Variants in BEND7 observed in about 807,000 individuals in gnomAD.
The protein encoded by BEND7 is BEN domain containing 7.
A neutral mutation model predicts 50.9 loss-of-function variants in BEND7; 28 were observed. That is an observed-to-expected ratio of 0.55 (90% CI 0.41 to 0.75). BEND7 has a LOEUF of 0.75. Ranked by LOEUF, BEND7 falls within the 30% of genes least tolerant of loss-of-function variation. BEND7 has a pLI of 0.00. For missense variants in BEND7, 477 were observed against 491.3 expected, an observed-to-expected ratio of 0.97 and a Z score of 0.28; for synonymous variants, 170 against 183.9, an observed-to-expected ratio of 0.92 and a Z score of 0.61.
At chr10:13,496,112 T>A (rs1185298320) in intron 4 of BEND7, among the ~76,000 whole-genome samples, 2 of 152,240 alleles carry the variant, frequency 1.3e-5, no homozygotes, top group Admixed American at 6.5e-5. Context: ...ATAAAGTTCA[T>A]TGACAGCTAC....
chr10:13,490,701 C>T (rs1216912394), intron 5 of BEND7, among the ~76,000 whole-genome samples: 1 of 152,238 alleles, frequency 6.6e-6, no homozygotes, highest in Non-Finnish European at 1.5e-5. Flanking sequence ...GAAGGCCTCA[C>T]CTGGACTTTC....
intron 6 of BEND7, among the ~76,000 whole-genome samples, chr10:13,469,902 G>A (rs1335578300): frequency 2.6e-5 from 4 of 152,194 alleles, no homozygotes; most frequent in African/African-American, 9.7e-5. Flanking sequence ...ACCAATTCCT[G>A]AGTCGTTCAG....
chr10:13,512,865 G>A (rs939365690), intron 2 of BEND7, among the ~76,000 whole-genome samples: 3 of 152,170 alleles, frequency 2.0e-5, no homozygotes, highest in Non-Finnish European at 4.4e-5. Flanking sequence ...GATAACTTGG[G>A]CCCCAAGGGA....
At position 13,441,475 on chromosome 10, in the gene BEND7, C is replaced by T; in HGVS notation, c.*268G>A. The stretch of plus-strand genomic sequence containing the variant: ...CATCTTTGGGTTGAACAAGCTCCAC[C>T]CGTCCTCAAGTGCTGAACACCCCAA... On this transcript the variant is annotated 3_prime_UTR_variant, in exon 9 of 9. Transcript: ENST00000466271. 3.0e-6 allele frequency: 4 copies of T among 1,312,062 alleles called. No homozygotes were observed. The highest frequency in any genetic ancestry group is 2.4e-5 in the South Asian group (1 of 41,480). The allele number at this position is 1,312,062 out of a possible 1,614,324, so 81.3% of individuals were successfully genotyped here.
At chr10:13,468,039 C>CG (rs1315951700) in intron 6 of BEND7, among the ~76,000 whole-genome samples, 11 of 152,072 alleles carry the variant, frequency 7.2e-5, no homozygotes, top group African/African-American at 2.4e-4. Context: ...CCGATCTGCC[C>CG]GGGAAGTTCA....
In BEND7 at chr10:13,499,643, G is replaced by A. The variant is rs1043940352; in HGVS notation, c.448+135C>T. 1.0e-5 allele frequency: 11 copies of A among 1,084,786 alleles called. No homozygotes were observed. In the African/African-American group the frequency reaches 1.7e-4, roughly 17 times the overall value. 67.2% of individuals were successfully genotyped at this position (1,084,786 alleles called of 1,614,324 possible). Reference sequence around the variant, plus strand: ...TCAACTCTTTCCTTTGTGTCTCCCTGTCTTTTAAAGTAACTCAGCAAAGGC... The same window carrying A: ...TCAACTCTTTCCTTTGTGTCTCCCTATCTTTTAAAGTAACTCAGCAAAGGC... On this transcript the variant is annotated intron_variant, in intron 3 of 8. Coordinates refer to ENST00000466271, the MANE Select transcript of BEND7 (RefSeq NM_001369863.1).
intron 7 of BEND7, among the ~76,000 whole-genome samples, chr10:13,450,213 G>C (rs932274426): frequency 9.2e-5 from 14 of 152,182 alleles, no homozygotes; most frequent in African/African-American, 2.9e-4. Context: ...GGCAGTGCAG[G>C]CTTCCTTAAG....
In BEND7 at chr10:13,512,502, A is replaced by G. The variant is rs114524884; in HGVS notation, c.146-12422T>C. 4.9e-3 allele frequency among the ~76,000 whole-genome samples: 753 copies of G among 152,352 alleles called. 7 individuals are homozygous for G. Among genetic ancestry groups the G allele is most frequent in the African/African-American group, 0.017 (723 of 41,588 alleles). On this transcript the variant is annotated intron_variant, in intron 2 of 8. Coordinates refer to ENST00000466271, the MANE Select transcript of BEND7 (RefSeq NM_001369863.1). ...ACAAGTCTTGCCTTCATTCAACAAG[A>G]AAATGTTCACAATTTACTATTTGCA...
rs531453244 is a variant in BEND7, at chr10:13,500,144, A to T, written c.146-64T>A. 21 of 1,298,762 alleles carry T rather than the reference A, an allele frequency of 1.6e-5. No individual in the cohort carries two copies. The African/African-American group carries it at 1.9e-4, about 12-fold the overall frequency. The allele number at this position is 1,298,762 out of a possible 1,614,324, so 80.5% of individuals were successfully genotyped here. A position where few individuals can be genotyped will look rare whatever the true frequency, so the allele number is the denominator to read the frequency against. On this transcript the variant is annotated intron_variant, in intron 2 of 8. Transcript: ENST00000466271. ...TGAAAGAGAAAACAGTTCACTAACC[A>T]AAAAGAAGAGAAAGAAAAACAACCC...
chr10:13,439,342 C>G, downstream of BEND7: 3 of 1,614,164 alleles, frequency 1.9e-6, no homozygotes, highest in Non-Finnish European at 2.5e-6. Flanking sequence ...TCAGCTCTGT[C>G]TCTGGTAAGG....
intron 7 of BEND7, among the ~76,000 whole-genome samples, chr10:13,450,771 C>T (rs902177120): frequency 1.5e-4 from 22 of 151,002 alleles, no homozygotes; most frequent in Admixed American, 7.3e-4. Context: ...GGGGACTCCT[C>T]GAGGAGGGGA....
In BEND7 at chr10:13,458,289, G is replaced by A. The variant is rs150201488; in HGVS notation, c.1064-5631C>T. Among the ~76,000 whole-genome samples the A allele has an allele frequency of 3.2e-3, 486 of 152,336 alleles. 4 individuals are homozygous for A. Among genetic ancestry groups the A allele is most frequent in the African/African-American group, 0.011 (463 of 41,582 alleles). ...ATCATCATCAAGTGAAGGCGGCAGC[G>A]CGTGGCGTGTCTGACATGCTGAACG... On this transcript the variant is annotated intron_variant, in intron 6 of 8. Coordinates refer to ENST00000466271, the MANE Select transcript of BEND7 (RefSeq NM_001369863.1).
chr10:13,463,738 C>G (rs2073951367), intron 6 of BEND7, among the ~76,000 whole-genome samples: 1 of 152,160 alleles, frequency 6.6e-6, no homozygotes, highest in Admixed American at 6.5e-5. Context: ...ATCTGCCTGT[C>G]AAATCTCAAC....
At chr10:13,478,758 GATAAAT>G (rs1416081759) in intron 6 of BEND7, among the ~76,000 whole-genome samples, 2 of 152,234 alleles carry the variant, frequency 1.3e-5, no homozygotes, top group Admixed American at 6.5e-5. Flanking sequence ...ACTGCAAATA[GATAAAT>G]ATAAACTATT....
chr10:13,491,533 ACTT>A (rs2076661868), intron 5 of BEND7, among the ~76,000 whole-genome samples: 1 of 151,704 alleles, frequency 6.6e-6, no homozygotes, highest in African/African-American at 2.4e-5. Context: ...GACTAGATGA[ACTT>A]CTTAACAATT....
intron 4 of BEND7, 51 bp downstream of exon 4, chr10:13,496,715 C>G: frequency 6.3e-7 from 1 of 1,579,776 alleles, no homozygotes; most frequent in Non-Finnish European, 8.6e-7. Flanking sequence ...CGGAAGATGT[C>G]AGATATGCAT....
At chr10:13,464,350 A>G (rs1246786818) in intron 6 of BEND7, among the ~76,000 whole-genome samples, 1 of 152,252 alleles carries the variant, frequency 6.6e-6, no homozygotes, top group Non-Finnish European at 1.5e-5. Flanking sequence ...GAATGTGCTG[A>G]GATGGACAAA....
chr10:13,439,323 G>C, downstream of BEND7: 2 of 1,614,168 alleles, frequency 1.2e-6, no homozygotes. Flanking sequence ...TTGGGACAAA[G>C]CTCCTGTTTC....
At chr10:13,473,077 GGACT>G (rs2075049555) in intron 6 of BEND7, among the ~76,000 whole-genome samples, 2 of 152,060 alleles carry the variant, frequency 1.3e-5, no homozygotes, top group East Asian at 3.9e-4. Context: ...TTAAGAGTAG[GGACT>G]GATATCCATC....
Sources: allele counts gnomAD v4.1 joint callset (sites outside exome capture counted in the v4.1 genomes callset), GRCh38; gene constraint gnomAD v4.1.1; transcripts MANE v1.5; gene names NCBI Gene and HGNC (gene_info 2026-07-23, HGNC 2026-07-21).